NEK1: variants seen among roughly 807,000 people sequenced by gnomAD.
The protein encoded by NEK1 is serine/threonine-protein kinase Nek1.
Under a neutral mutation model 182.1 loss-of-function variants are expected in NEK1, and 137 were observed. The observed-to-expected ratio is 0.75, with a 90% confidence interval of 0.65 to 0.87. The LOEUF (loss-of-function observed/expected upper bound fraction) is 0.87, where lower values mean the gene tolerates loss of function less well. NEK1 is among the 40% of genes least tolerant of loss of function. The probability of loss-of-function intolerance (pLI) is 0.00; values close to 1 mark genes in which losing one functional copy is unlikely to be tolerated. For missense variants in NEK1, 1,391 were observed against 1,494.4 expected (o/e 0.93, Z 1.14); for synonymous variants, 513 against 492.2 (o/e 1.04, Z -0.56).
chr4:169,584,226 A>T (rs1023612964), intron 10 of NEK1, among the ~76,000 whole-genome samples: 1 of 151,718 alleles, frequency 6.6e-6, no homozygotes, highest in East Asian at 1.9e-4. Context: ...AGGAGAAATC[A>T]TGAGTCAGTA....
intron 31 of NEK1, among the ~76,000 whole-genome samples, chr4:169,416,369 C>T (rs997639146): frequency 2.0e-5 from 3 of 152,192 alleles, no homozygotes; most frequent in African/African-American, 7.2e-5. Context: ...AGTGTTTTCA[C>T]TTATTTGTTC....
At chr4:169,495,970 T>C (rs184614721) in intron 23 of NEK1, among the ~76,000 whole-genome samples, 293 of 152,334 alleles carry the variant, frequency 1.9e-3, no homozygotes, top group African/African-American at 6.8e-3. Context: ...GGGGATGGCA[T>C]TGAATCTATA....
chr4:169,512,485 C>T (rs1580361460), intron 19 of NEK1, among the ~76,000 whole-genome samples: 1 of 152,008 alleles, frequency 6.6e-6, no homozygotes, highest in Non-Finnish European at 1.5e-5. Context: ...AATTTTGATA[C>T]TTCTTTATAT....
At chr4:169,441,843 G>A (rs1195780480) in intron 27 of NEK1, among the ~76,000 whole-genome samples, 1 of 152,088 alleles carries the variant, frequency 6.6e-6, no homozygotes, top group African/African-American at 2.4e-5. Context: ...CCCAAGTATA[G>A]GCCTGCTCTA....
chr4:169,491,472 A>G (rs1750077638), intron 23 of NEK1, among the ~76,000 whole-genome samples: 2 of 152,202 alleles, frequency 1.3e-5, no homozygotes, highest in African/African-American at 4.8e-5. Context: ...CAAGGTGCTA[A>G]TTAAAAAAAC....
chr4:169,586,663 C>G (rs1767587378), intron 9 of NEK1, among the ~76,000 whole-genome samples: 1 of 151,832 alleles, frequency 6.6e-6, no homozygotes, highest in African/African-American at 2.4e-5. Context: ...AAATAAGCAT[C>G]TGATAACCAC....
chr4:169,474,439 C>T (rs1380876766), intron 26 of NEK1, among the ~76,000 whole-genome samples: 1 of 152,208 alleles, frequency 6.6e-6, no homozygotes, highest in Non-Finnish European at 1.5e-5. Context: ...CATCTTACCT[C>T]TCTGTTCTGC....
rs1429056203 is a variant in NEK1 at position 169,400,607 on chromosome 4, C to T, written c.3628G>A (p.Val1210Ile). 3 of 1,605,078 alleles carry T rather than the reference C, an allele frequency of 1.9e-6. No individual in the cohort carries two copies. The highest frequency in any genetic ancestry group is 2.6e-6 in the Non-Finnish European group (3 of 1,175,496). The change falls in exon 34 of 36, where the codon GTC becomes ATC. Residue 1210 changes from valine (V) to isoleucine (I), a missense_variant. By Grantham distance (29) the Val-to-Ile change is conservative. Coordinates refer to ENST00000507142, the MANE Select transcript of NEK1 (RefSeq NM_001199397.3). ...CTCAGTTCCTCTAAATGGTTAAAGA[C>T]ACTATCGCATTCACATTCACTAGCA... ...EIASECECDS[V>I]FNHLEELRLH...
chr4:169,532,500 C>T (rs749104377), intron 19 of NEK1, among the ~76,000 whole-genome samples: 4 of 152,032 alleles, frequency 2.6e-5, no homozygotes, highest in African/African-American at 7.3e-5. Context: ...AATGTAGGTT[C>T]GTCAATTGTA....
intron 27 of NEK1, among the ~76,000 whole-genome samples, chr4:169,455,177 G>C (rs143686292): frequency 6.6e-6 from 1 of 152,108 alleles, no homozygotes; most frequent in Non-Finnish European, 1.5e-5. Flanking sequence ...GGGCATGTTG[G>C]GGGGTTGGGG....
intron 12 of NEK1, among the ~76,000 whole-genome samples, chr4:169,570,456 G>T (rs1040180456): frequency 2.0e-5 from 3 of 150,866 alleles, no homozygotes; most frequent in Non-Finnish European, 4.4e-5. Context: ...GGAGGGAGGT[G>T]GGGGGATCAG....
At chr4:169,484,654 G>C (rs1270960112) in intron 23 of NEK1, among the ~76,000 whole-genome samples, 1 of 152,134 alleles carries the variant, frequency 6.6e-6, no homozygotes, top group Non-Finnish European at 1.5e-5. Flanking sequence ...AGCCAAGAGG[G>C]GCACCAGTGA....
intron 27 of NEK1, among the ~76,000 whole-genome samples, chr4:169,457,683 G>A (rs1382136941): frequency 4.9e-5 from 6 of 122,784 alleles, no homozygotes; most frequent in Non-Finnish European, 8.3e-5. Flanking sequence ...AAGGAAGGAA[G>A]GAGAGAAAGA....
At chr4:169,553,788 G>A (rs989553440) in intron 18 of NEK1, among the ~76,000 whole-genome samples, 2 of 152,140 alleles carry the variant, frequency 1.3e-5, no homozygotes, top group African/African-American at 4.8e-5. Context: ...ATTAAAATGA[G>A]ATACCACTAC....
At chr4:169,475,760 AAAAC>A (rs1452953966) in intron 26 of NEK1, among the ~76,000 whole-genome samples, 2 of 152,164 alleles carry the variant, frequency 1.3e-5, no homozygotes, top group Non-Finnish European at 2.9e-5. Context: ...GGCAGATAGA[AAAAC>A]AACTCCTTAA....
intron 19 of NEK1, among the ~76,000 whole-genome samples, chr4:169,510,052 T>G (rs1753929483): frequency 6.6e-6 from 1 of 152,164 alleles, no homozygotes; most frequent in African/African-American, 2.4e-5. Context: ...AAAAAGTCTC[T>G]CTTCTCTTTC....
intron 28 of NEK1, among the ~76,000 whole-genome samples, chr4:169,435,568 A>T (rs549479061): frequency 1.3e-5 from 2 of 152,282 alleles, no homozygotes; most frequent in South Asian, 4.1e-4. Flanking sequence ...TGGCATGGTG[A>T]TTCCCTTGAG....
intron 11 of NEK1, among the ~76,000 whole-genome samples, chr4:169,579,726 T>C (rs1048477360): frequency 3.3e-5 from 5 of 151,288 alleles, no homozygotes; most frequent in Admixed American, 6.6e-5. Context: ...GAGGCAGAGG[T>C]TGCAGTGAGC....
At chr4:169,497,383 G>A (rs1437281063) in intron 23 of NEK1, among the ~76,000 whole-genome samples, 1 of 150,688 alleles carries the variant, frequency 6.6e-6, no homozygotes, top group African/African-American at 2.4e-5. Flanking sequence ...TTTTTGGAGG[G>A]TTTTTTGTGT....
Sources: gnomAD v4.1 joint callset for allele counts (sites outside exome capture counted in the v4.1 genomes callset) on GRCh38, gnomAD v4.1.1 for gene constraint, MANE v1.5 for transcripts, NCBI Gene and HGNC (gene_info 2026-07-23, HGNC 2026-07-21) for gene names.